The following PPP1R21 variants were observed in gnomAD, a reference collection of about 807,000 sequenced individuals.
The protein encoded by PPP1R21 is protein phosphatase 1 regulatory subunit 21, also known as KLRAQ motif containing 1.
A neutral mutation model predicts 112.8 loss-of-function variants in PPP1R21; 85 were observed. The ratio of observed to expected loss-of-function variants is 0.75; its 90% CI spans 0.63 to 0.90. The LOEUF is 0.90. PPP1R21 is among the 40% of genes least tolerant of loss of function. PPP1R21 has a pLI of 0.00. For synonymous variants in PPP1R21, 381 were observed against 322.3 expected (o/e 1.18, Z -1.95); for missense variants, 1,199 against 901.5 (o/e 1.33, Z -4.23).
At chr2:48,441,464 C>T (rs1667029207) in intron 1 of PPP1R21, 1 of 224,314 alleles carries the variant, frequency 4.5e-6, no homozygotes, top group Admixed American at 6.4e-5. Context: ...CGAATCAATT[C>T]GAGAGGGTAA....
At chr2:48,481,277 C>G (rs1056955172) in intron 13 of PPP1R21, among the ~76,000 whole-genome samples, 1 of 152,254 alleles carries the variant, frequency 6.6e-6, no homozygotes, top group Non-Finnish European at 1.5e-5. Flanking sequence ...GCGTGAGCCA[C>G]TGGGCCTGGC....
intron 4 of PPP1R21, among the ~76,000 whole-genome samples, chr2:48,459,312 C>T (rs1250077624): frequency 6.6e-6 from 1 of 152,036 alleles, no homozygotes; most frequent in East Asian, 1.9e-4. Flanking sequence ...AAGAGCTTTA[C>T]CTGTTTTAAG....
At chr2:48,477,518 C>A (rs1668812451) in intron 12 of PPP1R21, among the ~76,000 whole-genome samples, 1 of 152,014 alleles carries the variant, frequency 6.6e-6, no homozygotes, top group Non-Finnish European at 1.5e-5. Flanking sequence ...GTCTGGGTAC[C>A]CTTGTGGAGA....
chr2:48,507,450 C>G (rs1292024871), intron 19 of PPP1R21, 65 bp downstream of exon 19: 2 of 1,560,024 alleles, frequency 1.3e-6, no homozygotes, highest in East Asian at 2.4e-5. Context: ...AGGACACTGT[C>G]CTGTTTTCAT....
chr2:48,465,738 A>G, intron 9 of PPP1R21, 96 bp downstream of exon 9: 1 of 1,090,226 alleles, frequency 9.2e-7, no homozygotes, highest in Admixed American at 2.9e-5. Context: ...CAAGTACTGC[A>G]AAGGACATGG....
chr2:48,479,471 C>A (rs1439503953), intron 12 of PPP1R21: 3 of 470,524 alleles, frequency 6.4e-6, no homozygotes, highest in East Asian at 1.4e-4. Context: ...GTCCTTTTTG[C>A]AAATTTTACC....
chr2:48,486,591 A>G (rs1286771732), intron 13 of PPP1R21, 40 bp from the exon 14 acceptor site: 5 of 1,481,936 alleles, frequency 3.4e-6, no homozygotes, highest in Admixed American at 1.7e-5. Context: ...TGTGACTTAT[A>G]TATAGATAAT....
At chr2:48,513,977 G>C (rs1462505571) in intron 21 of PPP1R21, among the ~76,000 whole-genome samples, 1 of 151,764 alleles carries the variant, frequency 6.6e-6, no homozygotes, top group Non-Finnish European at 1.5e-5. Context: ...CAGATAATCA[G>C]TGCCGTTTGG....
chr2:48,469,512 A>AG (rs2103842065), intron 9 of PPP1R21, among the ~76,000 whole-genome samples: 8 of 4,218 alleles, frequency 1.9e-3, no homozygotes, highest in East Asian at 9.3e-3. Context: ...TATAGAGCAT[A>AG]TATATATATA....
intron 13 of PPP1R21, among the ~76,000 whole-genome samples, chr2:48,485,558 G>T (rs896459590): frequency 6.6e-6 from 1 of 151,806 alleles, no homozygotes; most frequent in South Asian, 2.1e-4. Context: ...AATCAAAGAC[G>T]TATTTATTAC....
intron 19 of PPP1R21, 49 bp from the exon 20 acceptor site, chr2:48,509,966 G>GT: frequency 1.4e-6 from 2 of 1,456,148 alleles, no homozygotes; most frequent in Non-Finnish European, 1.9e-6. Flanking sequence ...AGCAAATTTG[G>GT]TTTTAGAAAG....
rs559494467 is a variant in PPP1R21, at chr2:48,474,589, T to G, written c.1089-94T>G. 6.6e-5 allele frequency: 75 copies of G among 1,140,328 alleles called. No individual in the cohort carries two copies. In the African/African-American group the frequency reaches 1.0e-3, roughly 16 times the overall value. The allele number at this position is 1,140,328 out of a possible 1,614,324, so 70.6% of individuals were successfully genotyped here. Reference sequence around the variant, plus strand: ...AATTCTTTTTTCTGCAATATCTCTCTTTGGATATAGTTGTTTGAGAACTTG... The same window carrying G: ...AATTCTTTTTTCTGCAATATCTCTCGTTGGATATAGTTGTTTGAGAACTTG... On this transcript the variant is annotated intron_variant, in intron 11 of 21. Coordinates refer to ENST00000294952, the MANE Select transcript of PPP1R21 (RefSeq NM_001135629.3).
rs199950983 is a variant in PPP1R21 at position 48,458,149 on chromosome 2, G to A, written c.297G>A (p.Gln99=). The A allele has an allele frequency of 1.6e-5, 25 of 1,611,500 alleles. No homozygotes were observed. Among genetic ancestry groups the A allele is most frequent in the Non-Finnish European group, 2.5e-6 (3 of 1,178,246 alleles). ...KNKKSGESSS[Q]LSQEQKSVFD... ...AGAAAAGTGGAGAATCTTCTTCTCA[G>A]TTGAGTCAAGAGCAGAAGAGTGTCT... Residue 99 remains glutamine, a synonymous_variant, in exon 4 of 22, where the codon CAG becomes CAA. Transcript: ENST00000294952.
At chr2:48,509,315 C>T in intron 19 of PPP1R21, among the ~76,000 whole-genome samples, 1 of 151,756 alleles carries the variant, frequency 6.6e-6, no homozygotes, top group East Asian at 1.9e-4. Context: ...CCTTAGGATC[C>T]ATAGTGCGTG....
At chr2:48,465,445 G>T in intron 8 of PPP1R21, 48 bp from the exon 9 acceptor site, 1 of 1,537,586 alleles carries the variant, frequency 6.5e-7, no homozygotes, top group Non-Finnish European at 8.8e-7. Flanking sequence ...GTTCTTTTAG[G>T]ATAATAATTT....
chr2:48,457,267 G>A (rs1204205909), intron 3 of PPP1R21, among the ~76,000 whole-genome samples: 1 of 152,150 alleles, frequency 6.6e-6, no homozygotes, highest in East Asian at 1.9e-4. Flanking sequence ...TGTTCCATAT[G>A]CACCTCTTGT....
At chr2:48,490,076 G>A (rs553580302) in intron 14 of PPP1R21, among the ~76,000 whole-genome samples, 112 of 151,798 alleles carry the variant, frequency 7.4e-4, no homozygotes, top group African/African-American at 2.6e-3. Flanking sequence ...AAAATTACCC[G>A]GATGTGGTGA....
chr2:48,469,140 G>A (rs1291025332), intron 9 of PPP1R21, among the ~76,000 whole-genome samples: 1 of 151,194 alleles, frequency 6.6e-6, no homozygotes, highest in Non-Finnish European at 1.5e-5. Flanking sequence ...AGGAAAGACT[G>A]GCCCCCATGA....
At chr2:48,509,775 A>C (rs1363215372) in intron 19 of PPP1R21, among the ~76,000 whole-genome samples, 1 of 152,244 alleles carries the variant, frequency 6.6e-6, no homozygotes, top group Non-Finnish European at 1.5e-5. Context: ...GAGTGAAGAA[A>C]AAAACATTGA....
Sources: gnomAD v4.1 joint callset for allele counts (sites outside exome capture counted in the v4.1 genomes callset) on GRCh38, gnomAD v4.1.1 for gene constraint, MANE v1.5 for transcripts, NCBI Gene and HGNC (gene_info 2026-07-23, HGNC 2026-07-21) for gene names.